DCAF17: variants seen among roughly 807,000 people sequenced by gnomAD.
DCAF17 encodes the protein DDB1- and CUL4-associated factor 17.
Under a neutral mutation model 66.0 loss-of-function variants are expected in DCAF17, and 48 were observed. That is an observed-to-expected ratio of 0.73 (90% CI 0.58 to 0.92). The LOEUF (loss-of-function observed/expected upper bound fraction) is 0.92, where lower values mean the gene tolerates loss of function less well. DCAF17 is among the 40% of genes least tolerant of loss of function. DCAF17 has a pLI of 0.00. For synonymous variants in DCAF17, 206 were observed against 214.6 expected, an observed-to-expected ratio of 0.96 and a Z score of 0.35; for missense variants, 562 against 622.8, an observed-to-expected ratio of 0.90 and a Z score of 1.04.
intron 12 of DCAF17, among the ~76,000 whole-genome samples, chr2:171,478,826 C>T (rs1559293277): frequency 6.6e-6 from 1 of 152,054 alleles, no homozygotes; most frequent in South Asian, 2.1e-4. Flanking sequence ...TTATTTTGGA[C>T]CATACAAACC....
chr2:171,457,671 A>G (rs147999088), intron 6 of DCAF17, among the ~76,000 whole-genome samples: 431 of 152,282 alleles, frequency 2.8e-3, no homozygotes, highest in Middle Eastern at 0.01. Context: ...GTCTATGAGG[A>G]ATGGAATTTG....
rs947837118 is a variant in DCAF17 at position 171,481,475 on chromosome 2, A to G, written c.*361A>G. The G allele has an allele frequency of 2.0e-5, 9 of 458,602 alleles. No homozygotes were observed. Among genetic ancestry groups the G allele is most frequent in the Admixed American group, 1.9e-4 (8 of 42,616 alleles). The allele number at this position is 458,602 out of a possible 1,614,324, so 28.4% of individuals were successfully genotyped here. ...ATGAGTTCTTAAAGGATGGTATGGA[A>G]TTTTGTTTGTTAAGGCTAGGAAAGA... On this transcript the variant is annotated 3_prime_UTR_variant, in exon 14 of 14. Transcript: ENST00000375255.
At chr2:171,434,912 A>G in intron 1 of DCAF17, 171 bp from the exon 2 acceptor site, 1 of 1,038,754 alleles carries the variant, frequency 9.6e-7, no homozygotes, top group Non-Finnish European at 1.4e-6. Flanking sequence ...ACCTGGAAAC[A>G]ATTATTCTAA....
intron 8 of DCAF17, among the ~76,000 whole-genome samples, chr2:171,467,053 G>A (rs1695945167): frequency 6.6e-6 from 1 of 151,908 alleles, no homozygotes; most frequent in Non-Finnish European, 1.5e-5. Flanking sequence ...ATAAGCACTT[G>A]ACATATATTT....
rs1028923025 is a variant in DCAF17 at position 171,482,842 on chromosome 2, C to G, written c.*1728C>G. 1 of 454,066 alleles carries G rather than the reference C, an allele frequency of 2.2e-6. No homozygotes were observed. The highest frequency in any genetic ancestry group is 1.6e-5 in the South Asian group (1 of 64,480). The allele number at this position is 454,066 out of a possible 1,614,324, so 28.1% of individuals were successfully genotyped here. On this transcript the variant is annotated 3_prime_UTR_variant, in exon 14 of 14. Coordinates refer to ENST00000375255, the MANE Select transcript of DCAF17 (RefSeq NM_025000.4). ...TGGAATACTTCTGGTCTAGATATAACTTACCACTAAGAAACCCCCAGTATG... is the reference window on the plus strand; with the variant it reads ...TGGAATACTTCTGGTCTAGATATAAGTTACCACTAAGAAACCCCCAGTATG...
intron 2 of DCAF17, among the ~76,000 whole-genome samples, chr2:171,442,405 A>G (rs2105734255): frequency 6.6e-6 from 1 of 151,914 alleles, no homozygotes; most frequent in African/African-American, 2.4e-5. Context: ...AAAAATACAA[A>G]ATACAAAAAT....
intron 8 of DCAF17, among the ~76,000 whole-genome samples, chr2:171,460,622 T>C (rs113259802): frequency 0.038 from 5,849 of 151,974 alleles, 377 homozygotes; most frequent in African/African-American, 0.13. Flanking sequence ...CCTCCACCTC[T>C]TGGGCTCAAG....
rs1034942271 is a variant in DCAF17, at chr2:171,480,258, A to G, written c.1422+65A>G. 3.8e-6 allele frequency: 6 copies of G among 1,578,904 alleles called. No homozygotes were observed. The African/African-American group carries it at 6.7e-5, about 18-fold the overall frequency. ...CTTTATAGGTGCCATTTATTAGAAC[A>G]GATGTTATTGTGTTCATGTCAGTCC... On this transcript the variant is annotated intron_variant, in intron 13 of 13. Transcript: ENST00000375255.
Position 171,434,246 on chromosome 2 carries a change from G to C in DCAF17, c.-332G>C. On this transcript the variant is annotated 5_prime_UTR_variant, in exon 1 of 14. Coordinates refer to ENST00000375255, the MANE Select transcript of DCAF17 (RefSeq NM_025000.4). ...CCTGGGAGAAGCCGGGCTGCCTCAC[G>C]AGGCACTAGGAACTACATTTCCCGG... is the stretch of plus-strand genomic sequence containing the variant. 1 of 472,904 alleles carries C rather than the reference G, an allele frequency of 2.1e-6. No homozygotes were observed. The highest frequency in any genetic ancestry group is 4.2e-6 in the Non-Finnish European group (1 of 238,764). 29.3% of individuals were successfully genotyped at this position (472,904 alleles called of 1,614,324 possible).
At position 171,458,493 on chromosome 2, in the gene DCAF17, A is replaced by G. The variant is rs376182176; in HGVS notation, c.838+16A>G. The stretch of plus-strand genomic sequence containing the variant: ...AAAATCACAGGTATGGCTACTCTAT[A>G]GTATTTTTTCACCTTAAAAAAATTA... On this transcript the variant is annotated intron_variant, in intron 8 of 13. Transcript: ENST00000375255. 3 of 1,586,618 alleles carry G rather than the reference A, an allele frequency of 1.9e-6. No individual in the cohort carries two copies. The highest frequency in any genetic ancestry group is 2.6e-6 in the Non-Finnish European group (3 of 1,155,468).
At chr2:171,477,151 G>A (rs1696535588) in intron 11 of DCAF17, among the ~76,000 whole-genome samples, 1 of 152,154 alleles carries the variant, frequency 6.6e-6, no homozygotes, top group Non-Finnish European at 1.5e-5. Flanking sequence ...TCTTGAGTTT[G>A]TCTTTTGCTG....
intron 9 of DCAF17, among the ~76,000 whole-genome samples, chr2:171,470,582 C>T (rs1349034253): frequency 6.6e-6 from 1 of 152,174 alleles, no homozygotes; most frequent in Non-Finnish European, 1.5e-5. Flanking sequence ...CAGTGACGTT[C>T]TCTTTTATAA....
chr2:171,449,871 T>G lies in DCAF17; in HGVS notation c.459-8T>G, dbSNP rs748257732. On this transcript the variant is annotated splice_polypyrimidine_tract_variant and splice_region_variant and intron_variant, in intron 4 of 13. Transcript: ENST00000375255. Reference sequence around the variant, plus strand: ...AAATAAATAAACTTCTCTTCATTCTTTTAAAAGATACTTGAGCTGGGACAC... The same window carrying G: ...AAATAAATAAACTTCTCTTCATTCTGTTAAAAGATACTTGAGCTGGGACAC... The G allele has an allele frequency of 1.9e-6, 3 of 1,611,422 alleles. No individual in the cohort carries two copies. The African/African-American group carries it at 4.0e-5, about 22-fold the overall frequency.
intron 3 of DCAF17, among the ~76,000 whole-genome samples, chr2:171,448,286 C>T (rs1694747205): frequency 6.6e-6 from 1 of 152,176 alleles, no homozygotes; most frequent in Non-Finnish European, 1.5e-5. Flanking sequence ...CACTCACCAC[C>T]ATGCTAATAG....
At chr2:171,457,827 A>T (rs982632338) in intron 6 of DCAF17, 144 bp from the exon 7 acceptor site, 1 of 783,528 alleles carries the variant, frequency 1.3e-6, no homozygotes, top group African/African-American at 1.7e-5. Flanking sequence ...CCTCAAGGTG[A>T]TAAATTATAA....
intron 12 of DCAF17, 79 bp from the exon 13 acceptor site, chr2:171,479,959 A>T (rs1696666643): frequency 2.7e-6 from 4 of 1,503,296 alleles, no homozygotes; most frequent in Non-Finnish European, 3.7e-6. Flanking sequence ...AGAATACTTA[A>T]ACTATAAATA....
intron 8 of DCAF17, among the ~76,000 whole-genome samples, chr2:171,460,433 G>A (rs181547829): frequency 1.2e-4 from 18 of 151,424 alleles, no homozygotes; most frequent in African/African-American, 4.4e-4. Flanking sequence ...TTAGAAAGAA[G>A]ACTGGATTTG....
chr2:171,437,340 A>G (rs571781472), intron 2 of DCAF17, among the ~76,000 whole-genome samples: 2 of 152,324 alleles, frequency 1.3e-5, no homozygotes, highest in East Asian at 1.9e-4. Flanking sequence ...TTTATTAGAA[A>G]GACTTTTCTT....
Position 171,480,056 on chromosome 2 carries a change from T to C in DCAF17, c.1285T>C (p.Tyr429His). ...PEQETFKIVDYEDELDLLSVV... is the reference protein window; with the variant it reads ...PEQETFKIVDHEDELDLLSVV... ...CCCAAAGACTTTCAAAATTGTGGAC[T>C]ATGAAGATGAGTTAGATTTGCTTTC... The change falls in exon 13 of 14, where the codon TAT (tyrosine) becomes CAT (histidine). Residue 429 changes from tyrosine to histidine, a missense_variant. Tyr to His is a moderately conservative substitution (Grantham distance 83). Around this residue, in one of 3 missense-constraint regions of DCAF17, gnomAD observed 201 missense variants for 231.1 expected, o/e 0.87. Transcript: ENST00000375255. The C allele has an allele frequency of 1.2e-6, 2 of 1,613,724 alleles. No homozygotes were observed. Among genetic ancestry groups the C allele is most frequent in the Non-Finnish European group, 1.7e-6 (2 of 1,179,714 alleles).
Sources: gnomAD v4.1 joint callset for allele counts (sites outside exome capture counted in the v4.1 genomes callset) on GRCh38, gnomAD v4.1.1 for gene constraint, gnomAD v4.1.1 regional missense constraint, MANE v1.5 for transcripts, NCBI Gene and HGNC (gene_info 2026-07-23, HGNC 2026-07-21) for gene names.